The following ING5 variants were observed in gnomAD, a reference collection of about 807,000 sequenced individuals.
ING5 encodes inhibitor of growth family member 5.
In ING5, 17 loss-of-function variants were observed where a neutral mutation model predicts 37.4. That is an observed-to-expected ratio of 0.45 (90% CI 0.31 to 0.68). The LOEUF is 0.68. Among genes scored for constraint, ING5 ranks in the 30% least tolerant of loss-of-function variants. The pLI is 0.05. For synonymous variants in ING5, 123 were observed against 116.6 expected, an observed-to-expected ratio of 1.06 and a Z score of -0.36; for missense variants, 233 against 311.9, an observed-to-expected ratio of 0.75 and a Z score of 1.91.
At chr2:241,723,599 C>T (rs1478771969) in intron 7 of ING5, among the ~76,000 whole-genome samples, 1 of 152,216 alleles carries the variant, frequency 6.6e-6, no homozygotes, top group Non-Finnish European at 1.5e-5. Flanking sequence ...TAGGGATCGT[C>T]TTAAATCAGA....
At chr2:241,701,946 C>T, upstream of ING5, 1 of 540,406 alleles carries the variant, frequency 1.9e-6, no homozygotes, top group Non-Finnish European at 2.7e-6. Flanking sequence ...CGACCCCGCC[C>T]CCGGGCGCGA....
chr2:241,697,751 G>A (rs2069651736), upstream of ING5, among the ~76,000 whole-genome samples: 1 of 152,152 alleles, frequency 6.6e-6, no homozygotes, highest in African/African-American at 2.4e-5. Context: ...ACATGTAATG[G>A]GGGGTAGCTG....
Position 241,725,047 on chromosome 2 carries a change from C to G in ING5, c.*16C>G, listed in dbSNP as rs369391799. On this transcript the variant is annotated 3_prime_UTR_variant, in exon 8 of 8. Transcript: ENST00000313552. ...GAAGAAGTAGGAGGAGCTGTGTGCC[C>G]GGATCCGAGGAGCAAGTTAATCTGT... 7 of 1,613,386 alleles carry G rather than the reference C, an allele frequency of 4.3e-6. No individual in the cohort carries two copies. Among genetic ancestry groups the G allele is most frequent in the South Asian group, 2.2e-5 (2 of 91,058 alleles).
rs1201616758 is a variant in ING5 at position 241,727,861 on chromosome 2, G to C, written c.*2830G>C. The C allele has an allele frequency of 6.6e-6, 1 of 152,260 alleles. No individual in the cohort carries two copies. Among genetic ancestry groups the C allele is most frequent in the South Asian group, 2.1e-4 (1 of 4,830 alleles). The allele number at this position is 152,260 out of a possible 1,614,324, so 9.4% of individuals were successfully genotyped here. A position where few individuals can be genotyped will look rare whatever the true frequency, so the allele number is the denominator to read the frequency against. Reference sequence around the variant, plus strand: ...GCTTCCTGAGGTCTCGCTGCTTTTTGGGGAAAGATGACTGGCTTCCCTGTG... The same window carrying C: ...GCTTCCTGAGGTCTCGCTGCTTTTTCGGGAAAGATGACTGGCTTCCCTGTG... On this transcript the variant is annotated 3_prime_UTR_variant, in exon 8 of 8. Coordinates refer to ENST00000313552, the MANE Select transcript of ING5 (RefSeq NM_032329.6).
intron 2 of ING5, among the ~76,000 whole-genome samples, chr2:241,696,145 A>G (rs1317515180): frequency 6.6e-6 from 1 of 152,104 alleles, no homozygotes; most frequent in East Asian, 1.9e-4. Flanking sequence ...TAATCCCACC[A>G]CTTTGGAAGG....
upstream of ING5, among the ~76,000 whole-genome samples, chr2:241,700,622 G>C (rs765525916): frequency 2.3e-4 from 35 of 151,634 alleles, no homozygotes; most frequent in Non-Finnish European, 4.6e-4. Context: ...TGCCCGGCTA[G>C]TTTTTGTATT....
chr2:241,699,973 C>T (rs2069687943), upstream of ING5, among the ~76,000 whole-genome samples: 1 of 148,296 alleles, frequency 6.7e-6, no homozygotes, highest in Admixed American at 6.9e-5. Flanking sequence ...AATATTTAAA[C>T]ACTTTAAATT....
chr2:241,718,326 TCC>T lies in ING5; in HGVS notation c.483-4611_483-4610del, dbSNP rs869175095. Among the ~76,000 whole-genome samples, 24 of 23,468 alleles carry T rather than the reference TCC, an allele frequency of 1.0e-3. 1 individual carries two copies. Among genetic ancestry groups the T allele is most frequent in the African/African-American group, 6.8e-3 (22 of 3,244 alleles). The allele number at this position is 23,468 out of a possible 152,430, so 15.4% of individuals were successfully genotyped here. On this transcript the variant is annotated intron_variant, in intron 5 of 7. Transcript: ENST00000313552. Reference sequence around the variant, plus strand: ...CTTCCTTTCTTCTTTCCTCCCTTCCTCCCTCCCTCCCTCACTTCCTTCCTCCT... The same window carrying T: ...CTTCCTTTCTTCTTTCCTCCCTTCCTCTCCCTCCCTCACTTCCTTCCTCCT...
At position 241,725,260 on chromosome 2, in the gene ING5, C is replaced by G. The variant is rs1691567758; in HGVS notation, c.*229C>G. 7.2e-6 allele frequency: 4 copies of G among 553,000 alleles called. No homozygotes were observed. The highest frequency in any genetic ancestry group is 1.3e-5 in the Non-Finnish European group (4 of 307,412). The allele number at this position is 553,000 out of a possible 1,614,324, so 34.3% of individuals were successfully genotyped here. ...ACCTCAGTGTGGCTTTTACAGGACTCCCCCCGAGCATCAGCAGGGACCCCG... is the reference window on the plus strand; with the variant it reads ...ACCTCAGTGTGGCTTTTACAGGACTGCCCCCGAGCATCAGCAGGGACCCCG... On this transcript the variant is annotated 3_prime_UTR_variant, in exon 8 of 8. Transcript: ENST00000313552.
At chr2:241,693,646 A>G (rs956499996) in intron 2 of ING5, among the ~76,000 whole-genome samples, 4 of 141,432 alleles carry the variant, frequency 2.8e-5, no homozygotes, top group Admixed American at 2.4e-4. Context: ...ACTGAGAAAT[A>G]CAACTCTTTT....
chr2:241,696,479 A>C (rs189435999), intron 2 of ING5, among the ~76,000 whole-genome samples: 319 of 152,254 alleles, frequency 2.1e-3, no homozygotes, highest in Middle Eastern at 0.01. Flanking sequence ...GTAAAAGAAC[A>C]ACCCCATGAA....
At chr2:241,698,132 A>G (rs1350296876), upstream of ING5, among the ~76,000 whole-genome samples, 1 of 145,034 alleles carries the variant, frequency 6.9e-6, no homozygotes, top group East Asian at 2.0e-4. Flanking sequence ...TATGGAAATA[A>G]TGATGGACTT....
chr2:241,719,774 G>C (rs1395565430), intron 5 of ING5: 2 of 1,443,240 alleles, frequency 1.4e-6, no homozygotes, highest in Non-Finnish European at 1.8e-6. Flanking sequence ...ATCCACTGTG[G>C]CCTCATGGCT....
chr2:241,691,260 G>A (rs2069549999), intron 2 of ING5, among the ~76,000 whole-genome samples: 1 of 151,646 alleles, frequency 6.6e-6, no homozygotes, highest in African/African-American at 2.4e-5. Context: ...ACAACATGGT[G>A]AAACACCGTC....
At chr2:241,697,735 T>C (rs2069651535), upstream of ING5, among the ~76,000 whole-genome samples, 2 of 152,136 alleles carry the variant, frequency 1.3e-5, no homozygotes, top group Admixed American at 1.3e-4. Context: ...AAAACTATGC[T>C]GTATGACATG....
At chr2:241,688,747 C>T (rs1003409774) in intron 1 of ING5, among the ~76,000 whole-genome samples, 2 of 152,112 alleles carry the variant, frequency 1.3e-5, no homozygotes, top group Admixed American at 6.6e-5. Context: ...CCTCAGCCTC[C>T]TGAGTAGCTG....
chr2:241,724,757 T>G, intron 7 of ING5: 1 of 497,860 alleles, frequency 2.0e-6, no homozygotes, highest in African/African-American at 4.6e-5. Flanking sequence ...TCAAATCGGT[T>G]TTGCTCATTG....
At chr2:241,689,418 C>G (rs1391962191) in intron 1 of ING5, among the ~76,000 whole-genome samples, 1 of 152,184 alleles carries the variant, frequency 6.6e-6, no homozygotes, top group Non-Finnish European at 1.5e-5. Context: ...CCTACCCTTT[C>G]TTCCTTTACG....
intron 7 of ING5, 73 bp from the exon 8 acceptor site, chr2:241,724,916 G>C: frequency 6.9e-7 from 1 of 1,455,938 alleles, no homozygotes; most frequent in South Asian, 1.2e-5. Context: ...GAGACATGGG[G>C]AGGCGGGCCC....
Sources: gnomAD v4.1 joint callset for allele counts (sites outside exome capture counted in the v4.1 genomes callset) on GRCh38, gnomAD v4.1.1 for gene constraint, MANE v1.5 for transcripts, NCBI Gene and HGNC (gene_info 2026-07-23, HGNC 2026-07-21) for gene names.